Variants in MYT1L observed in about 807,000 individuals in gnomAD.
MYT1L encodes the protein myelin transcription factor 1-like protein.
In MYT1L, 12 loss-of-function variants were observed where a neutral mutation model predicts 126.7. The observed-to-expected ratio is 0.09, with a 90% CI of 0.06 to 0.15. The LOEUF is 0.15. Among genes scored for constraint, MYT1L ranks in the 10% least tolerant of loss-of-function variants. The pLI is 1.00. For missense variants in MYT1L, 979 were observed against 1,585.2 expected, an observed-to-expected ratio of 0.62 and a Z score of 6.49; for synonymous variants, 541 against 604.2, an observed-to-expected ratio of 0.90 and a Z score of 1.53.
chr2:1,913,446 G>T (rs2149041894), intron 11 of MYT1L, among the ~76,000 whole-genome samples: 1 of 152,214 alleles, frequency 6.6e-6, no homozygotes, highest in South Asian at 2.1e-4. Flanking sequence ...ACAGTTCCCT[G>T]CCCCCTTCCT....
rs1239169098 is a variant in MYT1L at position 2,311,072 on chromosome 2, C to G, written c.-521+19895G>C. ...TTTGATACTGTACCCATTCCCCACA[C>G]CCCAAGGTCTCAGCTGTTTCTTGTG... is the stretch of plus-strand genomic sequence containing the variant. On this transcript the variant is annotated intron_variant, in intron 1 of 24. Coordinates refer to ENST00000647738, the MANE Select transcript of MYT1L (RefSeq NM_001303052.2). Among the ~76,000 whole-genome samples, 6 of 152,328 alleles carry G rather than the reference C, an allele frequency of 3.9e-5. No homozygotes were observed. In the East Asian group the frequency reaches 7.7e-4, roughly 20 times the overall value.
chr2:2,226,261 C>T (rs565479013), intron 2 of MYT1L, among the ~76,000 whole-genome samples: 2 of 152,158 alleles, frequency 1.3e-5, no homozygotes, highest in African/African-American at 2.4e-5. Context: ...AGGAACATAG[C>T]GGGGGCTTTT....
intron 21 of MYT1L, chr2:1,825,888 C>T (rs1320970939): frequency 1.3e-5 from 2 of 152,288 alleles, no homozygotes; most frequent in Non-Finnish European, 2.9e-5. Flanking sequence ...TGTGGATGGT[C>T]CTGTGAACAC....
At chr2:1,851,822 G>C (rs1215280585) in intron 18 of MYT1L, 119 bp from the exon 19 acceptor site, 3 of 966,604 alleles carry the variant, frequency 3.1e-6, no homozygotes, top group African/African-American at 3.2e-5. Context: ...ACTTGAAAGA[G>C]GCTGAGTGGA....
chr2:2,002,708 T>C (rs2062518170), intron 4 of MYT1L, among the ~76,000 whole-genome samples: 1 of 152,164 alleles, frequency 6.6e-6, no homozygotes, highest in African/African-American at 2.4e-5. Flanking sequence ...CCTTGAATTG[T>C]AATCTTGAAT....
chr2:2,174,268 G>A (rs964778410), intron 2 of MYT1L, among the ~76,000 whole-genome samples: 3 of 152,148 alleles, frequency 2.0e-5, no homozygotes, highest in Admixed American at 6.5e-5. Context: ...ATTTATAGCA[G>A]TGCACAGCTA....
chr2:2,216,789 AAG>A lies in MYT1L; in HGVS notation c.-420-43803_-420-43802del, dbSNP rs112941406. 2.5e-4 allele frequency among the ~76,000 whole-genome samples: 37 copies of A among 150,378 alleles called. 1 individual carries two copies. The South Asian group carries it at 2.9e-3, about 12-fold the overall frequency. Reference sequence around the variant, plus strand: ...CTGGTCAGGCTGGTCAGGAGAGAGAAAGAGAGAGAGAGAGAGAGAACACAATT... The same window carrying A: ...CTGGTCAGGCTGGTCAGGAGAGAGAAAGAGAGAGAGAGAGAGAACACAATT... On this transcript the variant is annotated intron_variant, in intron 2 of 24. Coordinates refer to ENST00000647738, the MANE Select transcript of MYT1L (RefSeq NM_001303052.2).
intron 1 of MYT1L, among the ~76,000 whole-genome samples, chr2:2,320,524 T>C (rs1382745760): frequency 2.7e-5 from 4 of 149,022 alleles, no homozygotes; most frequent in East Asian, 2.0e-4. Flanking sequence ...GGAATTTCCC[T>C]TGGAGGGTGG....
intron 9 of MYT1L, among the ~76,000 whole-genome samples, chr2:1,938,811 T>A (rs898693015): frequency 3.9e-5 from 6 of 152,244 alleles, no homozygotes; most frequent in Non-Finnish European, 8.8e-5. Flanking sequence ...TTATTAGGAC[T>A]ATTTTGATTC....
rs113085962 is a variant in MYT1L, at chr2:2,004,272, G to C, written c.-157-6925C>G. ...TTTCCTGCAGGCGTTCTTTCCTGCAGGCGTTCTTTCCTGCATGCGTTCTTT... is the reference window on the plus strand; with the variant it reads ...TTTCCTGCAGGCGTTCTTTCCTGCACGCGTTCTTTCCTGCATGCGTTCTTT... On this transcript the variant is annotated intron_variant, in intron 4 of 24. Transcript: ENST00000647738. Among the ~76,000 whole-genome samples the C allele has an allele frequency of 7.0e-3, 256 of 36,720 alleles. 2 individuals are homozygous for C. The highest frequency in any genetic ancestry group is 0.01 in the Non-Finnish European group (188 of 18,672). 24.1% of individuals were successfully genotyped at this position (36,720 alleles called of 152,430 possible). A position where few individuals can be genotyped will look rare whatever the true frequency, so the allele number is the denominator to read the frequency against.
intron 3 of MYT1L, among the ~76,000 whole-genome samples, chr2:2,088,067 G>C (rs145159093): frequency 6.8e-4 from 104 of 152,342 alleles, no homozygotes; most frequent in African/African-American, 2.2e-3. Flanking sequence ...GCAGCCAACA[G>C]CACAGAGAAG....
intron 4 of MYT1L, among the ~76,000 whole-genome samples, chr2:2,009,907 T>G (rs1489546716): frequency 6.7e-6 from 1 of 150,210 alleles, no homozygotes. Flanking sequence ...AGTTTTTTTT[T>G]TTTTTTTTTT....
intron 1 of MYT1L, among the ~76,000 whole-genome samples, chr2:2,296,981 G>A (rs2095704486): frequency 6.6e-6 from 1 of 152,110 alleles, no homozygotes; most frequent in South Asian, 2.1e-4. Context: ...CCCTTCCCAG[G>A]TTTCTCTGCA....
intron 19 of MYT1L, among the ~76,000 whole-genome samples, chr2:1,843,465 A>T (rs1392414932): frequency 6.6e-6 from 1 of 151,746 alleles, no homozygotes; most frequent in Non-Finnish European, 1.5e-5. Context: ...TGTCCTACCC[A>T]GGGAGAATTA....
At chr2:2,077,718 CTATT>C (rs990638738) in intron 3 of MYT1L, among the ~76,000 whole-genome samples, 1 of 152,254 alleles carries the variant, frequency 6.6e-6, no homozygotes, top group Admixed American at 6.5e-5. Context: ...ATAAAGTTCT[CTATT>C]TAGCTACACT....
chr2:1,996,774 GCCGC>G (rs2061902988), intron 5 of MYT1L, among the ~76,000 whole-genome samples: 1 of 138,688 alleles, frequency 7.2e-6, no homozygotes. Flanking sequence ...GTGTAGACGG[GCCGC>G]CTTTACCTAG....
chr2:2,116,184 G>A (rs1288837248), intron 3 of MYT1L, among the ~76,000 whole-genome samples: 2 of 152,252 alleles, frequency 1.3e-5, no homozygotes, highest in Non-Finnish European at 2.9e-5. Context: ...AGGCCATCCA[G>A]GGACTGGAAT....
chr2:1,797,050 G>A (rs925783735), intron 23 of MYT1L, among the ~76,000 whole-genome samples: 2 of 152,118 alleles, frequency 1.3e-5, no homozygotes, highest in Admixed American at 1.3e-4. Flanking sequence ...CGGATGAGAT[G>A]CGTCTGGGGA....
intron 3 of MYT1L, among the ~76,000 whole-genome samples, chr2:2,153,437 T>G (rs966671613): frequency 2.0e-5 from 3 of 151,930 alleles, no homozygotes; most frequent in Non-Finnish European, 2.9e-5. Context: ...TGGGCCAGAG[T>G]CCCTCTGCAC....
Sources: allele counts gnomAD v4.1 joint callset (sites outside exome capture counted in the v4.1 genomes callset), GRCh38; gene constraint gnomAD v4.1.1; transcripts MANE v1.5; gene names NCBI Gene and HGNC (gene_info 2026-07-23, HGNC 2026-07-21).